KANK1: variants seen among roughly 807,000 people sequenced by gnomAD.
KANK1 encodes the protein KN motif and ankyrin repeat domains 1, also known as KN motif and ankyrin repeat domain-containing protein 1.
Under a neutral mutation model 106.2 loss-of-function variants are expected in KANK1, and 109 were observed. The ratio of observed to expected loss-of-function variants is 1.03; its 90% CI spans 0.88 to 1.20. The LOEUF (loss-of-function observed/expected upper bound fraction) is 1.20, where lower values mean the gene tolerates loss of function less well. Ranked by LOEUF, KANK1 falls within the 50% of genes most tolerant of loss-of-function variation. The pLI is 0.00. For missense variants in KANK1, 2,399 were observed against 1,710.7 expected (o/e 1.40, Z -7.10); for synonymous variants, 873 against 652.2 (o/e 1.34, Z -5.16).
intron 5 of KANK1, chr9:732,147 C>T (rs937615613): frequency 5.1e-6 from 2 of 391,564 alleles, no homozygotes; most frequent in Non-Finnish European, 4.6e-6. Context: ...TTTTCTTTAA[C>T]AAGTGTTACA....
rs1474953393 is a variant in KANK1 at position 713,221 on chromosome 9, A to G, written c.2455A>G (p.Met819Val). The G allele has an allele frequency of 3.8e-6, 6 of 1,596,556 alleles. No individual in the cohort carries two copies. The South Asian group carries it at 5.7e-5, about 15-fold the overall frequency. Residue 819 changes from methionine (M) to valine (V), a missense_variant, in exon 3 of 12, where the codon ATG (methionine) becomes GTG (valine). By Grantham distance (21) the Met-to-Val change is conservative. Coordinates refer to ENST00000382297, the MANE Select transcript of KANK1 (RefSeq NM_015158.5). Reference sequence around the variant, plus strand: ...CCCCCAGCCTCAAGCTCCACTTGGAATGATGACTGGCCTGGATCACTACAT... The same window carrying G: ...CCCCCAGCCTCAAGCTCCACTTGGAGTGATGACTGGCCTGGATCACTACAT... The part of the protein sequence containing the change: ...ENPQPQAPLG[M>V]MTGLDHYIER...
intron 1 of KANK1, among the ~76,000 whole-genome samples, chr9:602,283 C>T (rs1055833278): frequency 9.9e-5 from 15 of 151,582 alleles, no homozygotes; most frequent in African/African-American, 2.9e-4. Context: ...TTTTTTGAGA[C>T]GGAGTCTCGC....
chr9:744,354 G>A, intron 10 of KANK1, 137 bp from the exon 11 acceptor site: 1 of 987,968 alleles, frequency 1.0e-6, no homozygotes, highest in East Asian at 2.7e-5. Flanking sequence ...TCCCAAAAAA[G>A]TTTCCCAGAA....
At chr9:686,650 A>T in intron 2 of KANK1, 1 of 598,706 alleles carries the variant, frequency 1.7e-6, no homozygotes, top group Non-Finnish European at 2.1e-6. Flanking sequence ...ACCACACTTT[A>T]TACAGCTTCC....
At chr9:640,075 C>T (rs557118058) in intron 1 of KANK1, among the ~76,000 whole-genome samples, 4 of 152,240 alleles carry the variant, frequency 2.6e-5, no homozygotes, top group Admixed American at 6.5e-5. Context: ...TCGTTGTACT[C>T]AGCTTCATTT....
At chr9:523,508 G>A (rs917511835) in intron 1 of KANK1, among the ~76,000 whole-genome samples, 4 of 151,772 alleles carry the variant, frequency 2.6e-5, no homozygotes, top group East Asian at 1.9e-4. Flanking sequence ...GTGGCACTGC[G>A]TAGACTCTCT....
At chr9:614,840 C>A (rs979640501) in intron 1 of KANK1, among the ~76,000 whole-genome samples, 2 of 152,134 alleles carry the variant, frequency 1.3e-5, no homozygotes, top group Non-Finnish European at 2.9e-5. Context: ...CAGCCCATCA[C>A]CTTAAACTTC....
chr9:507,841 C>T (rs558134868), intron 1 of KANK1, among the ~76,000 whole-genome samples: 142 of 151,964 alleles, frequency 9.3e-4, no homozygotes, highest in African/African-American at 3.3e-3. Flanking sequence ...CAGGTGTGAG[C>T]CACCATGCCA....
At chr9:591,531 C>G (rs1301689227) in intron 1 of KANK1, among the ~76,000 whole-genome samples, 2 of 151,822 alleles carry the variant, frequency 1.3e-5, no homozygotes, top group African/African-American at 4.9e-5. Flanking sequence ...TCCAGCCCCA[C>G]TGGTCTCTTC....
chr9:508,167 T>C (rs1318052410), intron 1 of KANK1, among the ~76,000 whole-genome samples: 4 of 137,082 alleles, frequency 2.9e-5, no homozygotes, highest in Admixed American at 1.5e-4. Context: ...AGATGGAGTT[T>C]CTTTCTTGTT....
At chr9:534,150 C>G (rs1244360054) in intron 1 of KANK1, among the ~76,000 whole-genome samples, 1 of 152,106 alleles carries the variant, frequency 6.6e-6, no homozygotes, top group East Asian at 1.9e-4. Flanking sequence ...TTGGAAAGGG[C>G]ATAGAGTAAT....
Position 645,237 on chromosome 9 carries a change from T to C in KANK1, c.-83-31653T>C, listed in dbSNP as rs956693467. 2.7e-5 allele frequency among the ~76,000 whole-genome samples: 4 copies of C among 149,244 alleles called. No homozygotes were observed. In the South Asian group the frequency reaches 8.3e-4, roughly 31 times the overall value. ...GGGCAGATCGCTTAGGGTCAGGAGT[T>C]CAAGATCAGCCTGGCCAACATGGCA... On this transcript the variant is annotated intron_variant, in intron 1 of 11. Coordinates refer to ENST00000382297, the MANE Select transcript of KANK1 (RefSeq NM_015158.5).
chr9:683,364 C>G (rs1467836797), intron 2 of KANK1, among the ~76,000 whole-genome samples: 1 of 152,076 alleles, frequency 6.6e-6, no homozygotes, highest in Non-Finnish European at 1.5e-5. Flanking sequence ...TAGGTAGGAG[C>G]CTGACATAAA....
At chr9:506,101 A>G (rs2058745133) in intron 1 of KANK1, among the ~76,000 whole-genome samples, 1 of 152,134 alleles carries the variant, frequency 6.6e-6, no homozygotes, top group Non-Finnish European at 1.5e-5. Context: ...TGAAATCATC[A>G]CTACCATCTG....
chr9:544,270 C>G (rs777491021), intron 1 of KANK1, among the ~76,000 whole-genome samples: 25 of 152,288 alleles, frequency 1.6e-4, no homozygotes, highest in Non-Finnish European at 2.2e-4. Flanking sequence ...AGCCACCCCC[C>G]ACTTGGCCTC....
intron 1 of KANK1, among the ~76,000 whole-genome samples, chr9:544,515 C>T (rs539285657): frequency 6.6e-6 from 1 of 152,292 alleles, no homozygotes; most frequent in South Asian, 2.1e-4. Flanking sequence ...GACCGGCCAA[C>T]AAACACTATG....
Position 725,810 on chromosome 9 carries a change from C to T in KANK1, c.2699-4241C>T, listed in dbSNP as rs144492863. Among the ~76,000 whole-genome samples the T allele has an allele frequency of 1.3e-5, 2 of 152,112 alleles. 1 individual carries two copies. Among genetic ancestry groups the T allele is most frequent in the South Asian group, 4.1e-4 (2 of 4,826 alleles). Reference sequence around the variant, plus strand: ...TTCGTTCTTTTTCTTCATATTGCCTCAAAATACAATCAACACTTAAGCTGC... The same window carrying T: ...TTCGTTCTTTTTCTTCATATTGCCTTAAAATACAATCAACACTTAAGCTGC... On this transcript the variant is annotated intron_variant, in intron 3 of 11. Transcript: ENST00000382297.
chr9:730,895 G>A (rs906164613), intron 4 of KANK1: 13 of 279,546 alleles, frequency 4.7e-5, no homozygotes, highest in South Asian at 1.9e-4. Context: ...CAGTAAAGCC[G>A]GATACAAATG....
intron 1 of KANK1, among the ~76,000 whole-genome samples, chr9:661,123 G>A (rs1338428536): frequency 6.6e-6 from 1 of 151,990 alleles, no homozygotes; most frequent in Non-Finnish European, 1.5e-5. Flanking sequence ...TATGTGTAAT[G>A]TATTTAAACC....
Sources: allele counts gnomAD v4.1 joint callset (sites outside exome capture counted in the v4.1 genomes callset), GRCh38; gene constraint gnomAD v4.1.1; transcripts MANE v1.5; gene names NCBI Gene and HGNC (gene_info 2026-07-23, HGNC 2026-07-21).